TMEM240: variants seen among roughly 807,000 people sequenced by gnomAD.
TMEM240 encodes transmembrane protein C1orf70.
A neutral mutation model predicts 19.5 loss-of-function variants in TMEM240; 3 were observed. The ratio of observed to expected loss-of-function variants is 0.15; its 90% CI spans 0.07 to 0.40. The LOEUF (loss-of-function observed/expected upper bound fraction) is 0.40. TMEM240 is among the 10% of genes least tolerant of loss of function. The pLI is 1.00. For missense variants in TMEM240, 210 were observed against 253.5 expected (o/e 0.83, Z 1.17); for synonymous variants, 123 against 109.3 (o/e 1.13, Z -0.78).
intron 2 of TMEM240, chr1:1,539,378 C>T: frequency 7.4e-6 from 3 of 405,880 alleles, no homozygotes; most frequent in Non-Finnish European, 1.4e-5. Context: ...CCTGATGAGG[C>T]TGGCTTGGGT....
At position 1,535,265 on chromosome 1, in the gene TMEM240, TGTC is replaced by T. The variant is rs1205201782; in HGVS notation, c.*91_*93del. The T allele has an allele frequency of 5.2e-5, 73 of 1,417,300 alleles. No homozygotes were observed. Among genetic ancestry groups the T allele is most frequent in the Non-Finnish European group, 6.7e-5 (71 of 1,056,664 alleles). The allele number at this position is 1,417,300 out of a possible 1,614,324, so 87.8% of individuals were successfully genotyped here. A position where few individuals can be genotyped will look rare whatever the true frequency, so the allele number is the denominator to read the frequency against. ...CCGGACAACCTGGGCCCAGGGCTGCTGTCCAGTCCCGCCGGCCCGGGCGTCCAC... is the reference window on the plus strand; with the variant it reads ...CCGGACAACCTGGGCCCAGGGCTGCTCAGTCCCGCCGGCCCGGGCGTCCAC... On this transcript the variant is annotated 3_prime_UTR_variant, in exon 4 of 4. Coordinates refer to ENST00000378733, the MANE Select transcript of TMEM240 (RefSeq NM_001114748.2). The surrounding 1 kb of genome is among the most constrained non-coding windows in gnomAD (Gnocchi z 8.2).
chr1:1,539,686 G>C lies in TMEM240; in HGVS notation c.162C>G (p.Gly54=), dbSNP rs1046527458. The change falls in exon 2 of 4, where the codon GGC becomes GGG. Residue 54 remains glycine (G), a splice_region_variant and synonymous_variant. Coordinates refer to ENST00000378733, the MANE Select transcript of TMEM240 (RefSeq NM_001114748.2). ...GCCGGCGCCGGTTGTGGACTCACCGGCCACAGTTGCAGTGGCAGACGCGGT... is the reference window on the plus strand; with the variant it reads ...GCCGGCGCCGGTTGTGGACTCACCGCCCACAGTTGCAGTGGCAGACGCGGT... ...GEDRVCHCNC[G]RHHIHYVIPY... is the part of the protein sequence containing the mutation. 2 of 1,547,686 alleles carry C rather than the reference G, an allele frequency of 1.3e-6. No homozygotes were observed. The highest frequency in any genetic ancestry group is 1.7e-6 in the Non-Finnish European group (2 of 1,146,282).
chr1:1,538,432 C>T (rs971396307), intron 2 of TMEM240, among the ~76,000 whole-genome samples: 2 of 152,242 alleles, frequency 1.3e-5, no homozygotes, highest in South Asian at 4.1e-4. Flanking sequence ...CCCGCGGAGC[C>T]CTCAGTGTGC....
chr1:1,536,846 C>T lies in TMEM240; in HGVS notation c.165-1049G>A, dbSNP rs1411024265. On this transcript the variant is annotated intron_variant, in intron 2 of 3. Coordinates refer to ENST00000378733, the MANE Select transcript of TMEM240 (RefSeq NM_001114748.2). The surrounding 1 kb of genome is among the most constrained non-coding windows in gnomAD (Gnocchi z 5.4). ...CGAGCTCCAGCTGCCTGTGTCTCCA[C>T]GTGGGATCCGCAGACACCTTAAACT... is the stretch of plus-strand genomic sequence containing the variant. Among the ~76,000 whole-genome samples the T allele has an allele frequency of 2.0e-5, 3 of 152,112 alleles. No homozygotes were observed. The highest frequency in any genetic ancestry group is 7.2e-5 in the African/African-American group (3 of 41,434).
intron 2 of TMEM240, among the ~76,000 whole-genome samples, chr1:1,537,959 C>A (rs1295584377): frequency 2.0e-5 from 3 of 152,338 alleles, no homozygotes; most frequent in African/African-American, 4.8e-5. Context: ...TACGTATAGG[C>A]ACGTATGAGG....
chr1:1,535,874 T>G lies in TMEM240; in HGVS notation c.165-77A>C. 9.2e-7 allele frequency: 1 copy of G among 1,083,512 alleles called. No homozygotes were observed. The highest frequency in any genetic ancestry group is 1.3e-6 in the Non-Finnish European group (1 of 798,052). The allele number at this position is 1,083,512 out of a possible 1,614,324, so 67.1% of individuals were successfully genotyped here. ...TTCCCCCGGGGCGCCTACCCCGTGG[T>G]GGGGGTGTGACCGCGTCAGGCCGCC... On this transcript the variant is annotated intron_variant, in intron 2 of 3. Transcript: ENST00000378733. This position sits in a 1 kb window ranked among gnomAD's most constrained non-coding sequence, Gnocchi z 8.2.
In TMEM240 at chr1:1,540,303, GC is replaced by G; in HGVS notation, c.43del (p.Ala15ArgfsTer4). Reference sequence around the variant, plus strand: ...CCCTCCGCTCACCATCACGACCGACGCCCCCAGAATCATGAAGATCATGGTG... The same window carrying G: ...CCCTCCGCTCACCATCACGACCGACGCCCCAGAATCATGAAGATCATGGTG... ...ANTMIFMILGASVVMAIACLM... is the reference protein window; with the variant it reads ...ANTMIFMILGXSVVMAIACLM... On this transcript the variant is annotated frameshift_variant, in exon 1 of 4. Coordinates refer to ENST00000378733, the MANE Select transcript of TMEM240 (RefSeq NM_001114748.2). LOFTEE classifies it high-confidence loss of function. The G allele has an allele frequency of 4.5e-6, 6 of 1,341,316 alleles. No homozygotes were observed. The highest frequency in any genetic ancestry group is 3.3e-5 in the Admixed American group (1 of 30,504). The allele number at this position is 1,341,316 out of a possible 1,614,324, so 83.1% of individuals were successfully genotyped here. A position where few individuals can be genotyped will look rare whatever the true frequency, so the allele number is the denominator to read the frequency against.
chr1:1,537,336 A>G (rs989080942), intron 2 of TMEM240, among the ~76,000 whole-genome samples: 20 of 152,078 alleles, frequency 1.3e-4, no homozygotes, highest in Non-Finnish European at 2.6e-4. Flanking sequence ...GCCTGTCCAC[A>G]GCCATCGTCC....
chr1:1,535,571 C>T lies in TMEM240; in HGVS notation c.373+18G>A, dbSNP rs765175519. On this transcript the variant is annotated intron_variant, in intron 3 of 3. Transcript: ENST00000378733. This position sits in a 1 kb window ranked among gnomAD's most constrained non-coding sequence, Gnocchi z 8.2. ...CCAGGGCGGCAGCACTCCCGGGCGG[C>T]GGGCACGAGGCACTCACCGTAGCGC... The T allele has an allele frequency of 5.3e-5, 82 of 1,545,248 alleles. 1 individual carries two copies. The highest frequency in any genetic ancestry group is 5.2e-4 in the South Asian group (44 of 83,918).
In TMEM240 at chr1:1,539,677, G is replaced by A; in HGVS notation, c.164+7C>T. On this transcript the variant is annotated splice_region_variant and intron_variant, in intron 2 of 3. Transcript: ENST00000378733. The stretch of plus-strand genomic sequence containing the variant: ...GCGTGTCGAGCCGGCGCCGGTTGTG[G>A]ACTCACCGGCCACAGTTGCAGTGGC... 5.2e-6 allele frequency: 8 copies of A among 1,546,474 alleles called. No homozygotes were observed. The highest frequency in any genetic ancestry group is 6.1e-6 in the Non-Finnish European group (7 of 1,145,338).
rs1553129275 is a variant in TMEM240, at chr1:1,536,744, A to AGGAGGGCCTGGGAGTGGAGCC, written c.165-968_165-948dup. 1.3e-5 allele frequency among the ~76,000 whole-genome samples: 2 copies of AGGAGGGCCTGGGAGTGGAGCC among 152,106 alleles called. No homozygotes were observed. The highest frequency in any genetic ancestry group is 2.9e-5 in the Non-Finnish European group (2 of 67,974). On this transcript the variant is annotated intron_variant, in intron 2 of 3. Coordinates refer to ENST00000378733, the MANE Select transcript of TMEM240 (RefSeq NM_001114748.2). This position sits in a 1 kb window ranked among gnomAD's most constrained non-coding sequence, Gnocchi z 5.4. ...TCAACTCTGGGATCCCTAGTCCAAC[A>AGGAGGGCCTGGGAGTGGAGCC]GGAGGGCCTGGGAGTGGAGCCCGCG...
chr1:1,535,388 TGTG>T lies in TMEM240; in HGVS notation c.490_492del (p.His164del), dbSNP rs754006349. On this transcript the variant is annotated inframe_deletion, in exon 4 of 4. Coordinates refer to ENST00000378733, the MANE Select transcript of TMEM240 (RefSeq NM_001114748.2). The surrounding 1 kb of genome is among the most constrained non-coding windows in gnomAD (Gnocchi z 8.2). ...AGGTGCCGCGGGCTGGGGTGGCCAT[TGTG>T]GTAGAGTTTCTGCTTCACGTGTACC... is the stretch of plus-strand genomic sequence containing the variant. 9 of 1,549,474 alleles carry T rather than the reference TGTG, an allele frequency of 5.8e-6. No individual in the cohort carries two copies. Among genetic ancestry groups the T allele is most frequent in the East Asian group, 4.9e-5 (2 of 40,832 alleles).
chr1:1,537,813 C>T (rs755952169), intron 2 of TMEM240, among the ~76,000 whole-genome samples: 9 of 152,206 alleles, frequency 5.9e-5, no homozygotes, highest in Admixed American at 2.6e-4. Flanking sequence ...AGTGCATGTT[C>T]GCTTGGCTTT....
At position 1,535,353 on chromosome 1, in the gene TMEM240, T is replaced by C. The variant is rs1293363921; in HGVS notation, c.*6A>G. The C allele has an allele frequency of 6.5e-7, 1 of 1,548,644 alleles. No homozygotes were observed. Among genetic ancestry groups the C allele is most frequent in the Non-Finnish European group, 8.7e-7 (1 of 1,146,022 alleles). On this transcript the variant is annotated 3_prime_UTR_variant, in exon 4 of 4. Coordinates refer to ENST00000378733, the MANE Select transcript of TMEM240 (RefSeq NM_001114748.2). This position sits in a 1 kb window ranked among gnomAD's most constrained non-coding sequence, Gnocchi z 8.2. ...GCTCGGTGGCCCCGGTAAGTCCCCG[T>C]GCGGCTCACAGGTGCCGCGGGCTGG...
At chr1:1,539,535 G>A (rs1557490753) in intron 2 of TMEM240, 149 bp downstream of exon 2, 2 of 682,722 alleles carry the variant, frequency 2.9e-6, no homozygotes, top group Admixed American at 2.5e-5. Flanking sequence ...CGCCCACCTT[G>A]AGACAGCTCC....
In TMEM240 at chr1:1,540,410, C is replaced by T. The variant is rs1570374697; in HGVS notation, c.-64G>A. ...CCCCGGCGCCCCCCCGGCCCCGGCC[C>T]GATGCTGAGCCCCCGCCGCCTCCGC... On this transcript the variant is annotated 5_prime_UTR_variant, in exon 1 of 4. Coordinates refer to ENST00000378733, the MANE Select transcript of TMEM240 (RefSeq NM_001114748.2). 1.5e-6 allele frequency: 1 copy of T among 671,666 alleles called. No individual in the cohort carries two copies. Among genetic ancestry groups the T allele is most frequent in the Non-Finnish European group, 1.9e-6 (1 of 518,998 alleles). 41.6% of individuals were successfully genotyped at this position (671,666 alleles called of 1,614,324 possible).
chr1:1,535,342 G>A lies in TMEM240; in HGVS notation c.*17C>T, dbSNP rs1298355451. On this transcript the variant is annotated 3_prime_UTR_variant, in exon 4 of 4. Transcript: ENST00000378733. The surrounding 1 kb of genome is among the most constrained non-coding windows in gnomAD (Gnocchi z 8.2). ...GCAGCCGGTTGGCTCGGTGGCCCCG[G>A]TAAGTCCCCGTGCGGCTCACAGGTG... The A allele has an allele frequency of 8.4e-6, 13 of 1,547,760 alleles. No homozygotes were observed. Among genetic ancestry groups the A allele is most frequent in the Non-Finnish European group, 1.1e-5 (13 of 1,145,714 alleles).
At chr1:1,537,779 G>A (rs181199800) in intron 2 of TMEM240, among the ~76,000 whole-genome samples, 5 of 152,294 alleles carry the variant, frequency 3.3e-5, no homozygotes, top group Middle Eastern at 3.4e-3. Flanking sequence ...CCACACCCCC[G>A]CCCTGTGCAC....
At position 1,540,395 on chromosome 1, in the gene TMEM240, CCCCCGG is replaced by C; in HGVS notation, c.-55_-50del. 3.3e-6 allele frequency: 3 copies of C among 917,136 alleles called. No homozygotes were observed. The highest frequency in any genetic ancestry group is 5.1e-5 in the South Asian group (1 of 19,510). 56.8% of individuals were successfully genotyped at this position (917,136 alleles called of 1,614,324 possible). A position where few individuals can be genotyped will look rare whatever the true frequency, so the allele number is the denominator to read the frequency against. ...AGCGCCGCCCCCCGGCCCCGGCGCC[CCCCCGG>C]CCCCGGCCCGATGCTGAGCCCCCGC... On this transcript the variant is annotated 5_prime_UTR_variant, in exon 1 of 4. Transcript: ENST00000378733.
Sources: gnomAD v4.1 joint callset for allele counts (sites outside exome capture counted in the v4.1 genomes callset) on GRCh38, gnomAD v4.1.1 for gene constraint, Gnocchi (gnomAD v3.1) non-coding constraint, MANE v1.5 for transcripts, NCBI Gene and HGNC (gene_info 2026-07-23, HGNC 2026-07-21) for gene names.